Variants in EMC2 observed in about 807,000 individuals in gnomAD.
The protein encoded by EMC2 is TPR repeat protein 35.
A neutral mutation model predicts 51.6 loss-of-function variants in EMC2; 37 were observed. The ratio of observed to expected loss-of-function variants is 0.72; its 90% CI spans 0.55 to 0.94. The LOEUF (loss-of-function observed/expected upper bound fraction) is 0.94. EMC2 is among the 40% of genes least tolerant of loss of function. The pLI, the probability that EMC2 is intolerant of heterozygous loss-of-function variation, is 0.00. For synonymous variants in EMC2, 131 were observed against 112.4 expected (o/e 1.17, Z -1.04); for missense variants, 359 against 350.9 (o/e 1.02, Z -0.18).
At chr8:108,447,785 G>A (rs758348952) in intron 1 of EMC2, among the ~76,000 whole-genome samples, 2 of 152,124 alleles carry the variant, frequency 1.3e-5, no homozygotes, top group Non-Finnish European at 2.9e-5. Flanking sequence ...TACATAGTAT[G>A]TAATAAAATG....
At chr8:108,459,755 ATTGT>A (rs1359325419) in intron 5 of EMC2, among the ~76,000 whole-genome samples, 4 of 135,238 alleles carry the variant, frequency 3.0e-5, no homozygotes, top group African/African-American at 6.2e-5. Flanking sequence ...TGTGTGTGTG[ATTGT>A]TTTGTTCTAG....
chr8:108,483,753 A>T (rs970975963), intron 10 of EMC2, among the ~76,000 whole-genome samples: 1 of 152,174 alleles, frequency 6.6e-6, no homozygotes, highest in African/African-American at 2.4e-5. Flanking sequence ...ACAGAGAATT[A>T]TGAAAGATTT....
chr8:108,469,035 G>A (rs772609802), intron 5 of EMC2, among the ~76,000 whole-genome samples: 2 of 152,104 alleles, frequency 1.3e-5, no homozygotes, highest in Non-Finnish European at 2.9e-5. Flanking sequence ...CTCTGACACA[G>A]CATGTGTCAG....
rs567579895 is a variant in EMC2, at chr8:108,450,311, C to T, written c.155-117C>T. 3.0e-4 allele frequency: 202 copies of T among 681,568 alleles called. 1 individual carries two copies. In the African/African-American group the frequency reaches 3.5e-3, roughly 12 times the overall value. 42.2% of individuals were successfully genotyped at this position (681,568 alleles called of 1,614,324 possible). A position where few individuals can be genotyped will look rare whatever the true frequency, so the allele number is the denominator to read the frequency against. On this transcript the variant is annotated intron_variant, in intron 2 of 10. Coordinates refer to ENST00000220853, the MANE Select transcript of EMC2 (RefSeq NM_014673.5). ...TAGTTTCAGAGATAATACAATAAAT[C>T]AGTTTTCAGTTATAAGTAATGTTCT...
chr8:108,450,694 C>T (rs575671005), intron 3 of EMC2, among the ~76,000 whole-genome samples: 1 of 151,922 alleles, frequency 6.6e-6, no homozygotes, highest in Admixed American at 6.6e-5. Flanking sequence ...GTTTAGTATC[C>T]CAGTTTTACT....
At chr8:108,468,892 T>A (rs930455571) in intron 5 of EMC2, among the ~76,000 whole-genome samples, 1 of 152,194 alleles carries the variant, frequency 6.6e-6, no homozygotes, top group African/African-American at 2.4e-5. Flanking sequence ...AGGCCTTTGC[T>A]CATGTGTTCT....
chr8:108,479,812 G>C (rs893371206), intron 10 of EMC2, among the ~76,000 whole-genome samples: 1 of 152,002 alleles, frequency 6.6e-6, no homozygotes, highest in Admixed American at 6.6e-5. Flanking sequence ...GCCCAGGCTG[G>C]CCATGAACTC....
rs542652832 is a variant in EMC2, at chr8:108,452,419, G to A, written c.220-643G>A. On this transcript the variant is annotated intron_variant, in intron 3 of 10. Transcript: ENST00000220853. ...CCGTCTCTACTAAAAATACAAAAAT[G>A]AGCTGGGTGTGGTGACAGGCGCCTG... Among the ~76,000 whole-genome samples the A allele has an allele frequency of 2.0e-4, 31 of 152,102 alleles. No individual in the cohort carries two copies. In the South Asian group the frequency reaches 5.0e-3, roughly 24 times the overall value.
At chr8:108,456,721 A>G (rs929980855) in intron 5 of EMC2, among the ~76,000 whole-genome samples, 1 of 152,174 alleles carries the variant, frequency 6.6e-6, no homozygotes, top group African/African-American at 2.4e-5. Context: ...TCTGTTTTTG[A>G]TGTTGAGAAC....
At position 108,450,365 on chromosome 8, in the gene EMC2, A is replaced by G. The variant is rs1586175336; in HGVS notation, c.155-63A>G. 6 of 903,896 alleles carry G rather than the reference A, an allele frequency of 6.6e-6. No homozygotes were observed. In the South Asian group the frequency reaches 6.8e-5, roughly 10 times the overall value. 56.0% of individuals were successfully genotyped at this position (903,896 alleles called of 1,614,324 possible). Reference sequence around the variant, plus strand: ...GAAATATCAGAAACTAGAATTCATTAATTTCCATTTGGGTTTGTTTTAATA... The same window carrying G: ...GAAATATCAGAAACTAGAATTCATTGATTTCCATTTGGGTTTGTTTTAATA... On this transcript the variant is annotated intron_variant, in intron 2 of 10. Coordinates refer to ENST00000220853, the MANE Select transcript of EMC2 (RefSeq NM_014673.5).
rs996324027 is a variant in EMC2 at position 108,482,295 on chromosome 8, G to A, written c.807+3185G>A. 2.0e-5 allele frequency among the ~76,000 whole-genome samples: 3 copies of A among 152,046 alleles called. No individual in the cohort carries two copies. The East Asian group carries it at 5.8e-4, about 29-fold the overall frequency. Reference sequence around the variant, plus strand: ...CGTGAAATGTTTTTCTCATTGGTTTGCATGACTTATTTCTTTAGTTTTTTG... The same window carrying A: ...CGTGAAATGTTTTTCTCATTGGTTTACATGACTTATTTCTTTAGTTTTTTG... On this transcript the variant is annotated intron_variant, in intron 10 of 10. Coordinates refer to ENST00000220853, the MANE Select transcript of EMC2 (RefSeq NM_014673.5).
At chr8:108,482,548 C>T (rs1320569114) in intron 10 of EMC2, among the ~76,000 whole-genome samples, 16 of 151,882 alleles carry the variant, frequency 1.1e-4, no homozygotes, top group Admixed American at 1.1e-3. Context: ...GTATTTAATC[C>T]ACAACCCATT....
chr8:108,455,937 T>A lies in EMC2; in HGVS notation c.363+7T>A. The A allele has an allele frequency of 7.6e-7, 1 of 1,320,606 alleles. No individual in the cohort carries two copies. Among genetic ancestry groups the A allele is most frequent in the Non-Finnish European group, 1.0e-6 (1 of 973,844 alleles). The allele number at this position is 1,320,606 out of a possible 1,614,324, so 81.8% of individuals were successfully genotyped here. On this transcript the variant is annotated splice_region_variant and intron_variant, in intron 5 of 10. Transcript: ENST00000220853. The stretch of plus-strand genomic sequence containing the variant: ...AGAAGATCCAACTAACACTGTAAGT[T>A]GGCAGATTGTCTTGAAAAAAATCTA...
At chr8:108,461,455 C>G (rs1168010460) in intron 5 of EMC2, among the ~76,000 whole-genome samples, 1 of 152,190 alleles carries the variant, frequency 6.6e-6, no homozygotes, top group African/African-American at 2.4e-5. Flanking sequence ...ATTAAATTCT[C>G]TTTCTTTGAT....
rs774211750 is a variant in EMC2, at chr8:108,470,057, A to G, written c.450-5A>G. The stretch of plus-strand genomic sequence containing the variant: ...ACTTACTTTTTTTTCTTTTCCTCTC[A>G]CCAGATTTGTTGGAGACCAAGAAGC... On this transcript the variant is annotated splice_polypyrimidine_tract_variant and splice_region_variant and intron_variant, in intron 6 of 10. Coordinates refer to ENST00000220853, the MANE Select transcript of EMC2 (RefSeq NM_014673.5). 2 of 1,611,892 alleles carry G rather than the reference A, an allele frequency of 1.2e-6. No individual in the cohort carries two copies. Among genetic ancestry groups the G allele is most frequent in the Middle Eastern group, 1.6e-4 (1 of 6,082 alleles).
At chr8:108,473,685 A>G (rs1331165854) in intron 7 of EMC2, among the ~76,000 whole-genome samples, 2 of 151,900 alleles carry the variant, frequency 1.3e-5, no homozygotes, top group Admixed American at 6.6e-5. Context: ...CGGAATTACC[A>G]CAATTCTTTA....
chr8:108,464,873 A>G (rs1819430709), intron 5 of EMC2, among the ~76,000 whole-genome samples: 1 of 152,132 alleles, frequency 6.6e-6, no homozygotes, highest in African/African-American at 2.4e-5. Context: ...AGATGCTTTT[A>G]AAATGCCGCA....
intron 10 of EMC2, among the ~76,000 whole-genome samples, chr8:108,482,742 C>T (rs968160534): frequency 3.9e-5 from 6 of 151,946 alleles, no homozygotes; most frequent in African/African-American, 9.7e-5. Context: ...TGTCACCGTG[C>T]TCGGCTAACT....
chr8:108,467,206 C>T (rs889805403), intron 5 of EMC2, among the ~76,000 whole-genome samples: 1 of 152,176 alleles, frequency 6.6e-6, no homozygotes, highest in Non-Finnish European at 1.5e-5. Context: ...TGCGTGGAAA[C>T]TAAGATGTGC....
Sources: gnomAD v4.1 joint callset for allele counts (sites outside exome capture counted in the v4.1 genomes callset) on GRCh38, gnomAD v4.1.1 for gene constraint, MANE v1.5 for transcripts, NCBI Gene and HGNC (gene_info 2026-07-23, HGNC 2026-07-21) for gene names.